BTBD9: variants seen among roughly 807,000 people sequenced by gnomAD.
BTBD9 encodes BTB/POZ domain-containing protein 9.
In BTBD9, 49 loss-of-function variants were observed where a neutral mutation model predicts 64.3. That is an observed-to-expected ratio of 0.76 (90% CI 0.61 to 0.97). BTBD9 has a LOEUF of 0.97. BTBD9 is among the 50% of genes least tolerant of loss of function. BTBD9 has a pLI of 0.00. For missense variants in BTBD9, 598 were observed against 762.1 expected (o/e 0.78, Z 2.53); for synonymous variants, 260 against 274.7 (o/e 0.95, Z 0.53).
intron 8 of BTBD9, among the ~76,000 whole-genome samples, chr6:38,284,267 C>G (rs1211438496): frequency 6.6e-6 from 1 of 152,046 alleles, no homozygotes; most frequent in Non-Finnish European, 1.5e-5. Context: ...TTGGTGTGTT[C>G]ATGCTCATCA....
intron 6 of BTBD9, among the ~76,000 whole-genome samples, chr6:38,534,367 C>T (rs1318006500): frequency 1.3e-5 from 2 of 151,650 alleles, no homozygotes; most frequent in East Asian, 1.9e-4. Flanking sequence ...TGCAATCAAA[C>T]CCATTAAAAA....
intron 6 of BTBD9, among the ~76,000 whole-genome samples, chr6:38,354,402 T>C (rs1362265263): frequency 6.6e-6 from 1 of 152,162 alleles, no homozygotes; most frequent in African/African-American, 2.4e-5. Flanking sequence ...ATATAATATA[T>C]CTAATGAATA....
chr6:38,538,546 G>C (rs1160589145), intron 6 of BTBD9, among the ~76,000 whole-genome samples: 1 of 152,102 alleles, frequency 6.6e-6, no homozygotes, highest in Non-Finnish European at 1.5e-5. Context: ...GTAAGCAGGA[G>C]TAATTTCAAT....
At chr6:38,374,309 A>ATATATATT (rs1554143575) in intron 6 of BTBD9, among the ~76,000 whole-genome samples, 1 of 105,692 alleles carries the variant, frequency 9.5e-6, no homozygotes, top group Admixed American at 1.0e-4. Flanking sequence ...ATATATATGT[A>ATATATATT]TATATATATA....
chr6:38,529,745 T>A (rs1274108580), intron 6 of BTBD9, among the ~76,000 whole-genome samples: 1 of 152,242 alleles, frequency 6.6e-6, no homozygotes, highest in African/African-American at 2.4e-5. Flanking sequence ...GTTATCTTCA[T>A]AAGCTGAGGA....
At chr6:38,617,785 G>A (rs1194780035) in intron 1 of BTBD9, among the ~76,000 whole-genome samples, 2 of 152,150 alleles carry the variant, frequency 1.3e-5, no homozygotes, top group Non-Finnish European at 2.9e-5. Context: ...CCATTTTGAG[G>A]CATATCATCT....
At chr6:38,617,062 T>C (rs1777816653) in intron 1 of BTBD9, among the ~76,000 whole-genome samples, 1 of 152,194 alleles carries the variant, frequency 6.6e-6, no homozygotes, top group Non-Finnish European at 1.5e-5. Flanking sequence ...ACTGGGCACC[T>C]GTCAGCCAGT....
intron 6 of BTBD9, among the ~76,000 whole-genome samples, chr6:38,420,442 A>G (rs77615318): frequency 0.031 from 4,671 of 152,274 alleles, 120 homozygotes; most frequent in East Asian, 0.093. Flanking sequence ...TGGACCTTTG[A>G]GAATGTTTCT....
At chr6:38,280,302 G>A (rs927173441) in intron 8 of BTBD9, among the ~76,000 whole-genome samples, 1 of 152,162 alleles carries the variant, frequency 6.6e-6, no homozygotes, top group Non-Finnish European at 1.5e-5. Flanking sequence ...GGGAACCAGA[G>A]CTCTGAGGTC....
intron 1 of BTBD9, among the ~76,000 whole-genome samples, chr6:38,636,233 G>A (rs1322358623): frequency 6.6e-6 from 1 of 152,138 alleles, no homozygotes; most frequent in African/African-American, 2.4e-5. Context: ...GATTTGACCT[G>A]CCATCTTCCT....
intron 10 of BTBD9, among the ~76,000 whole-genome samples, chr6:38,177,560 G>A (rs975105865): frequency 3.9e-5 from 6 of 152,204 alleles, no homozygotes; most frequent in South Asian, 2.1e-4. Flanking sequence ...CTGGTGCTGC[G>A]GCTTGCTCTT....
At chr6:38,516,584 C>T (rs958220328) in intron 6 of BTBD9, among the ~76,000 whole-genome samples, 1 of 152,132 alleles carries the variant, frequency 6.6e-6, no homozygotes, top group Non-Finnish European at 1.5e-5. Flanking sequence ...AGGTGACATG[C>T]TAGGAAGGTC....
intron 10 of BTBD9, among the ~76,000 whole-genome samples, chr6:38,189,482 G>A (rs1335935034): frequency 3.9e-5 from 6 of 152,124 alleles, no homozygotes; most frequent in Admixed American, 3.9e-4. Flanking sequence ...ATAAAGTTCA[G>A]CTTTATTGTA....
intron 6 of BTBD9, among the ~76,000 whole-genome samples, chr6:38,407,162 GA>G (rs1767208434): frequency 6.6e-6 from 1 of 152,194 alleles, no homozygotes; most frequent in Non-Finnish European, 1.5e-5. Context: ...AAAAGTATTT[GA>G]TGACATCTTA....
intron 2 of BTBD9, 65 bp from the exon 3 acceptor site, chr6:38,594,392 A>G: frequency 1.3e-6 from 2 of 1,495,404 alleles, no homozygotes; most frequent in Admixed American, 2.4e-5. Flanking sequence ...AATATTGGAA[A>G]TAACAGTTAT....
At chr6:38,181,948 A>G (rs1276948348) in intron 10 of BTBD9, among the ~76,000 whole-genome samples, 1 of 152,172 alleles carries the variant, frequency 6.6e-6, no homozygotes, top group East Asian at 1.9e-4. Flanking sequence ...AGATCGCGCC[A>G]CTGCACTCCA....
intron 6 of BTBD9, among the ~76,000 whole-genome samples, chr6:38,510,050 C>T (rs1312349386): frequency 6.6e-6 from 1 of 152,202 alleles, no homozygotes; most frequent in Non-Finnish European, 1.5e-5. Context: ...AAAAAACACA[C>T]AAACTCCACA....
chr6:38,493,593 A>G (rs1458200566), intron 6 of BTBD9, among the ~76,000 whole-genome samples: 2 of 152,240 alleles, frequency 1.3e-5, no homozygotes, highest in African/African-American at 4.8e-5. Context: ...AAGTGATGTT[A>G]GGAGATTCCT....
At chr6:38,395,476 G>A (rs1334193053) in intron 6 of BTBD9, among the ~76,000 whole-genome samples, 2 of 152,084 alleles carry the variant, frequency 1.3e-5, no homozygotes, top group East Asian at 1.9e-4. Flanking sequence ...GCTAGAAAGC[G>A]CCACCTATAA....
Sources: allele counts gnomAD v4.1 joint callset (sites outside exome capture counted in the v4.1 genomes callset), GRCh38; gene constraint gnomAD v4.1.1; transcripts MANE v1.5; gene names NCBI Gene and HGNC (gene_info 2026-07-23, HGNC 2026-07-21).